ZNF875: variants seen among roughly 807,000 people sequenced by gnomAD.
ZNF875 encodes the protein zinc finger protein 875.
ZNF875 carries 14 observed loss-of-function variants against 11.2 expected under a neutral mutation model. The observed-to-expected ratio is 1.26, with a 90% CI of 0.83 to 1.96. The LOEUF (loss-of-function observed/expected upper bound fraction) is 1.96. ZNF875 is among the 30% of genes most tolerant of loss of function. The pLI is 0.00. For missense variants in ZNF875, 752 were observed against 760.4 expected, an observed-to-expected ratio of 0.99 and a Z score of 0.13; for synonymous variants, 301 against 281.1, an observed-to-expected ratio of 1.07 and a Z score of -0.71.
intron 4 of ZNF875, among the ~76,000 whole-genome samples, chr19:37,360,479 G>A (rs2039713601): frequency 6.6e-6 from 1 of 152,240 alleles, no homozygotes; most frequent in African/African-American, 2.4e-5. Flanking sequence ...AAAGCCTGCT[G>A]TGGTTGTGAT....
At position 37,344,786 on chromosome 19, in the gene ZNF875, T is replaced by C. The variant is rs1024085420; in HGVS notation, c.34-2404T>C. On this transcript the variant is annotated intron_variant, in intron 2 of 4. Coordinates refer to ENST00000392153, the MANE Select transcript of ZNF875 (RefSeq NM_001353803.2). The stretch of plus-strand genomic sequence containing the variant: ...CTGGAGGAATAACGGTTGTATTAAA[T>C]GTGTTAAAGTAACACTAATTGCTCT... 5 of 1,451,156 alleles carry C rather than the reference T, an allele frequency of 3.4e-6. No homozygotes were observed. The African/African-American group carries it at 7.0e-5, about 20-fold the overall frequency. The allele number at this position is 1,451,156 out of a possible 1,614,324, so 89.9% of individuals were successfully genotyped here.
chr19:37,331,789 G>A (rs1330624569), upstream of ZNF875, among the ~76,000 whole-genome samples: 5 of 134,384 alleles, frequency 3.7e-5, 1 homozygote, highest in East Asian at 5.0e-4. Context: ...AGACCTGACC[G>A]TCCCCCAGCC....
At chr19:37,358,995 G>T (rs2039449520) in intron 4 of ZNF875, among the ~76,000 whole-genome samples, 1 of 151,840 alleles carries the variant, frequency 6.6e-6, no homozygotes, top group East Asian at 1.9e-4. Context: ...CTGCCTCCTG[G>T]GTTCAAGTGA....
At chr19:37,354,593 G>T (rs954090614) in intron 4 of ZNF875, among the ~76,000 whole-genome samples, 2 of 151,994 alleles carry the variant, frequency 1.3e-5, no homozygotes, top group African/African-American at 4.8e-5. Flanking sequence ...AAAAATAGTA[G>T]AATAAATATA....
At chr19:37,328,484 G>C (rs2032875889) in intron 4 of ZNF875, 1 of 152,156 alleles carries the variant, frequency 6.6e-6, no homozygotes, top group Non-Finnish European at 1.5e-5. Context: ...TTGGGAGGGG[G>C]TTCCTGATAA....
chr19:37,315,929 T>G (rs2030159936), upstream of ZNF875, among the ~76,000 whole-genome samples: 2 of 152,154 alleles, frequency 1.3e-5, no homozygotes, highest in Non-Finnish European at 2.9e-5. Flanking sequence ...ATGCTATTAT[T>G]ATTCGATCAG....
At chr19:37,349,448 C>T (rs1262867897) in intron 4 of ZNF875, among the ~76,000 whole-genome samples, 1 of 152,132 alleles carries the variant, frequency 6.6e-6, no homozygotes. Flanking sequence ...GAAATGGCCT[C>T]TCATAGTAGT....
intron 1 of ZNF875, among the ~76,000 whole-genome samples, chr19:37,319,370 A>ATATATATATATATATATATATAT: frequency 1.3e-5 from 1 of 77,134 alleles, no homozygotes; most frequent in Non-Finnish European, 2.3e-5. Context: ...TATATATATA[A>ATATATATATATATATATATATAT]TAAAAATGGT....
rs112164866 is a variant in ZNF875, at chr19:37,362,463, G to A, written c.611G>A (p.Arg204Gln). Residue 204 changes from arginine (R) to glutamine (Q), a missense_variant, in exon 5 of 5, where the codon CGG (arginine) becomes CAG (glutamine). Coordinates refer to ENST00000392153, the MANE Select transcript of ZNF875 (RefSeq NM_001353803.2). ...GTGGATATAGGGTCCAGCCCTGAAC[G>A]GAGGGCAGATCTAGAGGAAACAGAC... is the stretch of plus-strand genomic sequence containing the variant. Reference protein sequence around the residue: ...TVVDIGSSPERRADLEETDKV... With the variant: ...TVVDIGSSPEQRADLEETDKV... The A allele has an allele frequency of 3.8e-5, 61 of 1,614,126 alleles. No homozygotes were observed. The highest frequency in any genetic ancestry group is 6.7e-5 in the East Asian group (3 of 44,876).
upstream of ZNF875, among the ~76,000 whole-genome samples, chr19:37,330,972 G>A (rs1451169206): frequency 6.6e-6 from 1 of 151,976 alleles, no homozygotes; most frequent in Non-Finnish European, 1.5e-5. Context: ...GGATCACGAG[G>A]TCAGGAGATC....
At chr19:37,341,003 G>A (rs1296097462) in intron 2 of ZNF875, among the ~76,000 whole-genome samples, 10 of 152,124 alleles carry the variant, frequency 6.6e-5, no homozygotes. Context: ...TGAAAAAAGA[G>A]GAGAAAAATA....
chr19:37,363,347 A>G lies in ZNF875; in HGVS notation c.1495A>G (p.Thr499Ala). 6.2e-7 allele frequency: 1 copy of G among 1,610,882 alleles called. No homozygotes were observed. Among genetic ancestry groups the G allele is most frequent in the Non-Finnish European group, 8.5e-7 (1 of 1,177,926 alleles). Residue 499 changes from threonine to alanine, a missense_variant, in exon 5 of 5, where the codon ACA becomes GCA. Coordinates refer to ENST00000392153, the MANE Select transcript of ZNF875 (RefSeq NM_001353803.2). The part of the protein sequence containing the change: ...RKSTLSTHQR[T>A]HSGEKPFVCA... ...ATCAACCCTGAGCACGCACCAGAGGACACACTCAGGGGAGAAGCCATTTGT... is the reference window on the plus strand; with the variant it reads ...ATCAACCCTGAGCACGCACCAGAGGGCACACTCAGGGGAGAAGCCATTTGT...
At chr19:37,361,938 GAA>G (rs1165601503) in intron 4 of ZNF875, 169 bp from the exon 5 acceptor site, 2 of 547,418 alleles carry the variant, frequency 3.7e-6, no homozygotes, top group Non-Finnish European at 6.3e-6. Flanking sequence ...AAAAACAAAA[GAA>G]AGTGTAATGC....
Position 37,363,625 on chromosome 19 carries a change from G to A in ZNF875, c.1773G>A (p.Arg591=). 1 of 1,613,830 alleles carries A rather than the reference G, an allele frequency of 6.2e-7. No individual in the cohort carries two copies. Among genetic ancestry groups the A allele is most frequent in the South Asian group, 1.1e-5 (1 of 91,040 alleles). Residue 591 remains arginine, a synonymous_variant, in exon 5 of 5, where the codon AGG becomes AGA. Coordinates refer to ENST00000392153, the MANE Select transcript of ZNF875 (RefSeq NM_001353803.2). ...CAGGGGGGAAGCCTCATGTGTGCAG[G>A]GAGTGTGGGCAAGGCTTTAGCCGGC... ...AHAGGKPHVC[R]ECGQGFSRQS...
At chr19:37,343,079 C>T (rs911107927) in intron 2 of ZNF875, among the ~76,000 whole-genome samples, 3 of 152,152 alleles carry the variant, frequency 2.0e-5, no homozygotes, top group African/African-American at 7.2e-5. Flanking sequence ...TGGCTCTCAC[C>T]TGTAATCCCA....
intron 1 of ZNF875, among the ~76,000 whole-genome samples, chr19:37,321,977 A>G (rs570149550): frequency 1.3e-5 from 2 of 152,324 alleles, no homozygotes; most frequent in Admixed American, 1.3e-4. Flanking sequence ...ATATGGCATT[A>G]TTCTGAGGAG....
intron 4 of ZNF875, among the ~76,000 whole-genome samples, chr19:37,326,521 G>A (rs566112100): frequency 4.6e-5 from 7 of 151,888 alleles, no homozygotes; most frequent in Admixed American, 6.6e-5. Flanking sequence ...AACATGTGAC[G>A]TGCCTTTTTG....
At chr19:37,334,956 T>C in intron 1 of ZNF875, 174 bp downstream of exon 1, 8 of 491,532 alleles carry the variant, frequency 1.6e-5, no homozygotes, top group South Asian at 1.5e-4. Context: ...ACTCCGTTGC[T>C]TGGGGACAAG....
intron 4 of ZNF875, among the ~76,000 whole-genome samples, chr19:37,350,895 A>G (rs993122531): frequency 2.9e-5 from 4 of 140,300 alleles, no homozygotes; most frequent in African/African-American, 1.1e-4. Context: ...ACCTCGGCCT[A>G]CTGGACTCAA....
Sources: gnomAD v4.1 joint callset for allele counts (sites outside exome capture counted in the v4.1 genomes callset) on GRCh38, gnomAD v4.1.1 for gene constraint, MANE v1.5 for transcripts, NCBI Gene and HGNC (gene_info 2026-07-23, HGNC 2026-07-21) for gene names.